Variants in ITGB6 observed in about 807,000 individuals in gnomAD.
ITGB6 encodes the protein integrin subunit beta 6.
In ITGB6, 80 loss-of-function variants were observed where a neutral mutation model predicts 84.5. The observed-to-expected ratio is 0.95, with a 90% CI of 0.79 to 1.14. ITGB6 has a LOEUF of 1.14. Ranked by LOEUF, ITGB6 falls within the 50% of genes most tolerant of loss-of-function variation. The pLI, the probability that ITGB6 is intolerant of heterozygous loss-of-function variation, is 0.00. For missense variants in ITGB6, 1,006 were observed against 968.0 expected (o/e 1.04, Z -0.52); for synonymous variants, 383 against 354.9 (o/e 1.08, Z -0.89).
intron 7 of ITGB6, among the ~76,000 whole-genome samples, chr2:160,161,566 C>T (rs367624654): frequency 6.6e-6 from 1 of 152,148 alleles, no homozygotes; most frequent in African/African-American, 2.4e-5. Context: ...GCTGGGATCA[C>T]AGGCATGAAC....
chr2:160,101,962 AT>A, intron 14 of ITGB6, 128 bp from the exon 15 acceptor site: 1 of 615,928 alleles, frequency 1.6e-6, no homozygotes, highest in East Asian at 2.8e-5. Flanking sequence ...ATTTTGATTA[AT>A]TTGGCATTTC....
At chr2:160,184,942 A>G (rs1342912161) in intron 4 of ITGB6, among the ~76,000 whole-genome samples, 2 of 152,214 alleles carry the variant, frequency 1.3e-5, no homozygotes, top group African/African-American at 4.8e-5. Context: ...CTTCATGCTA[A>G]AAACTCTCAA....
chr2:160,144,946 A>T (rs1327486718), intron 7 of ITGB6, among the ~76,000 whole-genome samples: 1 of 152,224 alleles, frequency 6.6e-6, no homozygotes, highest in East Asian at 1.9e-4. Context: ...CTGGATGCTG[A>T]GTTCCCCCAA....
At chr2:160,111,424 T>A (rs1375869701) in intron 13 of ITGB6, among the ~76,000 whole-genome samples, 1 of 152,136 alleles carries the variant, frequency 6.6e-6, no homozygotes, top group Non-Finnish European at 1.5e-5. Context: ...GTTTCCCTAA[T>A]GAACGGCCAC....
chr2:160,171,329 ATTTTTTTATTT>A (rs1559191130), intron 6 of ITGB6, among the ~76,000 whole-genome samples: 2 of 123,932 alleles, frequency 1.6e-5, no homozygotes, highest in African/African-American at 3.0e-5. Context: ...AATCAAATTT[ATTTTTTTATTT>A]TTTTTTTTTT....
At chr2:160,186,605 C>A (rs1685907874) in intron 4 of ITGB6, among the ~76,000 whole-genome samples, 1 of 152,112 alleles carries the variant, frequency 6.6e-6, no homozygotes, top group South Asian at 2.1e-4. Flanking sequence ...CTCAGCAATC[C>A]CGTTACTGCG....
intron 12 of ITGB6, among the ~76,000 whole-genome samples, chr2:160,117,694 A>T (rs1274804694): frequency 1.3e-5 from 2 of 152,188 alleles, no homozygotes; most frequent in Admixed American, 1.3e-4. Flanking sequence ...TAGAGACACA[A>T]AAAACCCTTC....
intron 4 of ITGB6, among the ~76,000 whole-genome samples, chr2:160,182,899 A>G (rs1217632382): frequency 6.6e-6 from 1 of 152,230 alleles, no homozygotes; most frequent in Non-Finnish European, 1.5e-5. Context: ...ACTGAGCTTC[A>G]TAAGCGAAGG....
chr2:160,155,618 T>C (rs932464726), intron 7 of ITGB6, among the ~76,000 whole-genome samples: 3 of 152,158 alleles, frequency 2.0e-5, no homozygotes, highest in Non-Finnish European at 4.4e-5. Flanking sequence ...CTAAAACTGC[T>C]TGAAAAATTT....
chr2:160,168,931 G>T (rs1483445853), intron 7 of ITGB6, among the ~76,000 whole-genome samples: 1 of 152,138 alleles, frequency 6.6e-6, no homozygotes, highest in Non-Finnish European at 1.5e-5. Context: ...TAGGTAGGCT[G>T]TCCTATATTT....
chr2:160,134,783 A>G (rs1683634958), intron 10 of ITGB6, among the ~76,000 whole-genome samples: 1 of 152,266 alleles, frequency 6.6e-6, no homozygotes, highest in Admixed American at 6.5e-5. Context: ...TCTAGCATAT[A>G]AACAGAACCA....
intron 12 of ITGB6, among the ~76,000 whole-genome samples, chr2:160,119,751 T>G (rs1353150634): frequency 1.3e-5 from 2 of 151,880 alleles, no homozygotes; most frequent in African/African-American, 4.8e-5. Flanking sequence ...GGGAGAAAAT[T>G]TTCGCAACCT....
chr2:160,108,610 T>C (rs1268089481), intron 13 of ITGB6, among the ~76,000 whole-genome samples: 1 of 152,188 alleles, frequency 6.6e-6, no homozygotes, highest in Admixed American at 6.5e-5. Flanking sequence ...AGCTGAACTG[T>C]TCTTGCTTAC....
At chr2:160,115,231 C>T (rs1395962065) in intron 12 of ITGB6, among the ~76,000 whole-genome samples, 1 of 152,268 alleles carries the variant, frequency 6.6e-6, no homozygotes, top group Non-Finnish European at 1.5e-5. Context: ...AACAGCCTAA[C>T]TGGGAGGCAC....
chr2:160,126,241 G>C (rs1336176290), intron 11 of ITGB6, 138 bp downstream of exon 11: 2 of 711,954 alleles, frequency 2.8e-6, no homozygotes, highest in African/African-American at 3.5e-5. Flanking sequence ...AGGCCCTGTG[G>C]GTTTGTGTGT....
rs1696653463 is a variant in ITGB6, at chr2:160,100,038, G to T, written c.*1698C>A. On this transcript the variant is annotated 3_prime_UTR_variant, in exon 15 of 15. Coordinates refer to ENST00000283249, the MANE Select transcript of ITGB6 (RefSeq NM_000888.5). ...TGCGCATCAGTCAGGAACATAAAGGGTATATCAGCCCTTCGGATTTTCAAG... is the reference window on the plus strand; with the variant it reads ...TGCGCATCAGTCAGGAACATAAAGGTTATATCAGCCCTTCGGATTTTCAAG... 2 of 152,162 alleles carry T rather than the reference G, an allele frequency of 1.3e-5. No homozygotes were observed. Among genetic ancestry groups the T allele is most frequent in the Admixed American group, 1.3e-4 (2 of 15,270 alleles). The allele number at this position is 152,162 out of a possible 1,614,324, so 9.4% of individuals were successfully genotyped here. A position where few individuals can be genotyped will look rare whatever the true frequency, so the allele number is the denominator to read the frequency against.
chr2:160,134,326 A>T (rs1022406844), intron 10 of ITGB6, among the ~76,000 whole-genome samples: 52 of 152,220 alleles, frequency 3.4e-4, no homozygotes, highest in Non-Finnish European at 5.3e-4. Context: ...AAATTCCTCG[A>T]CACATACACT....
chr2:160,188,792 G>C (rs912293692), intron 4 of ITGB6, among the ~76,000 whole-genome samples: 20 of 151,854 alleles, frequency 1.3e-4, no homozygotes, highest in African/African-American at 4.1e-4. Context: ...TTTTAGTAGA[G>C]ACAGGGTTTT....
intron 10 of ITGB6, among the ~76,000 whole-genome samples, chr2:160,136,997 T>C (rs934308283): frequency 2.0e-4 from 30 of 149,804 alleles, no homozygotes; most frequent in Admixed American, 4.0e-4. Context: ...CACATGTATA[T>C]ATACGTAACA....
Sources: gnomAD v4.1 joint callset for allele counts (sites outside exome capture counted in the v4.1 genomes callset) on GRCh38, gnomAD v4.1.1 for gene constraint, MANE v1.5 for transcripts, NCBI Gene and HGNC (gene_info 2026-07-23, HGNC 2026-07-21) for gene names.